The following CEP152 variants were observed in gnomAD, a reference collection of about 807,000 sequenced individuals.
CEP152 encodes centrosomal protein 152.
A neutral mutation model predicts 188.9 loss-of-function variants in CEP152; 132 were observed. The ratio of observed to expected loss-of-function variants is 0.70; its 90% confidence interval spans 0.61 to 0.81. The LOEUF is 0.81. Ranked by LOEUF, CEP152 falls within the 30% of genes least tolerant of loss-of-function variation. The pLI is 0.00. For missense variants in CEP152, 1,914 were observed against 1,969.8 expected (o/e 0.97, Z 0.54); for synonymous variants, 649 against 666.6 (o/e 0.97, Z 0.41).
intron 12 of CEP152, 117 bp from the exon 13 acceptor site, chr15:48,772,808 T>C: frequency 1.2e-6 from 1 of 814,782 alleles, no homozygotes; most frequent in African/African-American, 1.7e-5. Context: ...AATTATATAC[T>C]AGTATTTCAA....
At chr15:48,746,786 A>G (rs1893464221) in intron 22 of CEP152, among the ~76,000 whole-genome samples, 1 of 152,216 alleles carries the variant, frequency 6.6e-6, no homozygotes, top group South Asian at 2.1e-4. Flanking sequence ...AGGATGGTGA[A>G]TGTTATAAAA....
rs778454118 is a variant in CEP152, at chr15:48,752,425, A to G, written c.3390T>C (p.Thr1130=). The change falls in exon 21 of 27, where the codon ACT becomes ACC. Residue 1130 remains threonine (T), a synonymous_variant. Coordinates refer to ENST00000380950, the MANE Select transcript of CEP152 (RefSeq NM_001194998.2). The part of the protein sequence containing the change: ...ELSKDSASQG[T]GQGDPGPAAG... ...CAGCAGGTCCAGGGTCTCCTTGGCC[A>G]GTGCCCTGGCTGGCAGAATCCTTAG... The G allele has an allele frequency of 1.9e-5, 31 of 1,613,822 alleles. No individual in the cohort carries two copies. The highest frequency in any genetic ancestry group is 2.6e-5 in the Non-Finnish European group (31 of 1,180,032).
intron 11 of CEP152, among the ~76,000 whole-genome samples, chr15:48,781,568 T>C (rs776445040): frequency 7.2e-5 from 11 of 152,120 alleles, no homozygotes; most frequent in Non-Finnish European, 1.3e-4. Flanking sequence ...AAAACAAACA[T>C]AAGGATTTCC....
chr15:48,787,519 AT>A lies in CEP152; in HGVS notation c.1173+1281del, dbSNP rs961314747. Among the ~76,000 whole-genome samples, 194 of 152,020 alleles carry A rather than the reference AT, an allele frequency of 1.3e-3. 1 individual carries two copies. The highest frequency in any genetic ancestry group is 4.5e-3 in the African/African-American group (186 of 41,484). ...ATCCTCCACATTGATCAAATTCACA[AT>A]TTTTTTATATAAAATAAATACATAA... On this transcript the variant is annotated intron_variant, in intron 9 of 26. Coordinates refer to ENST00000380950, the MANE Select transcript of CEP152 (RefSeq NM_001194998.2).
chr15:48,752,215 A>G, intron 21 of CEP152, 134 bp downstream of exon 21: 2 of 1,452,408 alleles, frequency 1.4e-6, no homozygotes, highest in East Asian at 2.3e-5. Context: ...AATGAAATCT[A>G]GGAAGAGGGG....
chr15:48,810,802 G>C (rs1270288114), intron 1 of CEP152, 159 bp downstream of exon 1: 3 of 152,346 alleles, frequency 2.0e-5, no homozygotes, highest in Admixed American at 2.0e-4. Context: ...TAAATGACAC[G>C]TTAAGGTAAA....
At chr15:48,787,267 A>G (rs1896722926) in intron 9 of CEP152, among the ~76,000 whole-genome samples, 1 of 143,900 alleles carries the variant, frequency 6.9e-6, no homozygotes, top group African/African-American at 2.6e-5. Flanking sequence ...TCCTGAGCTC[A>G]AGCAATCCTC....
intron 19 of CEP152, among the ~76,000 whole-genome samples, chr15:48,759,837 T>C (rs1457979894): frequency 4.6e-5 from 7 of 152,212 alleles, no homozygotes; most frequent in Admixed American, 4.6e-4. Flanking sequence ...GAAAGGATAC[T>C]GTATAGCTAA....
chr15:48,742,534 C>T (rs766548338), intron 24 of CEP152, among the ~76,000 whole-genome samples: 16 of 152,090 alleles, frequency 1.1e-4, no homozygotes, highest in Non-Finnish European at 2.4e-4. Context: ...GAAAAGGAGG[C>T]AGTATGAGCT....
chr15:48,737,248 C>T (rs1892652305), downstream of CEP152, among the ~76,000 whole-genome samples: 1 of 152,096 alleles, frequency 6.6e-6, no homozygotes, highest in Non-Finnish European at 1.5e-5. Context: ...ACTAGATTAA[C>T]CCCCAAATAC....
chr15:48,745,855 CAT>C (rs1215074525), intron 22 of CEP152, among the ~76,000 whole-genome samples: 2 of 152,124 alleles, frequency 1.3e-5, no homozygotes, highest in South Asian at 2.1e-4. Flanking sequence ...CTTTTCTTCA[CAT>C]GTTAACTTAC....
intron 19 of CEP152, among the ~76,000 whole-genome samples, chr15:48,759,572 A>C (rs1454058444): frequency 6.6e-6 from 1 of 152,210 alleles, no homozygotes; most frequent in East Asian, 1.9e-4. Flanking sequence ...CAGAACATTA[A>C]AAAACATCTA....
At chr15:48,797,916 A>T (rs1897415721) in intron 3 of CEP152, 32 bp downstream of exon 3, 1 of 1,552,756 alleles carries the variant, frequency 6.4e-7, no homozygotes, top group South Asian at 1.1e-5. Flanking sequence ...TAGAATTGCA[A>T]TATACAAGTG....
chr15:48,729,652 T>C (rs1467011194), intron 2 of CEP152: 1 of 152,190 alleles, frequency 6.6e-6, no homozygotes, highest in East Asian at 1.9e-4. Context: ...TCTTAGAAAA[T>C]GTATGCTGAA....
rs12442921 is a variant in CEP152, at chr15:48,760,472, A to C, written c.2563-206T>G. Among the ~76,000 whole-genome samples, 47,735 of 152,046 alleles carry C rather than the reference A, an allele frequency of 0.31. 10,131 individuals carry two copies. The highest frequency in any genetic ancestry group is 0.63 in the East Asian group (3,234 of 5,154). On this transcript the variant is annotated intron_variant, in intron 18 of 26. Transcript: ENST00000380950. ...TTCCCATAGCATCCCATACAAATGC[A>C]ACAGAGGAAGTGGGAATCTGTGAAT...
chr15:48,764,684 T>C (rs1237904291), intron 17 of CEP152, among the ~76,000 whole-genome samples: 1 of 152,216 alleles, frequency 6.6e-6, no homozygotes, highest in Non-Finnish European at 1.5e-5. Flanking sequence ...TTTCTCTCAA[T>C]GAGCCAGGTT....
intron 12 of CEP152, chr15:48,773,612 A>C (rs545758398): frequency 6.6e-6 from 1 of 152,324 alleles, no homozygotes; most frequent in South Asian, 2.1e-4. Flanking sequence ...AACATAGGAA[A>C]TGAATAAGGC....
At chr15:48,782,038 A>C (rs1258079998) in intron 11 of CEP152, 101 bp downstream of exon 11, 2 of 1,083,710 alleles carry the variant, frequency 1.8e-6, no homozygotes, top group Admixed American at 3.8e-5. Context: ...AAGGTGGTCC[A>C]ACCACCTCTA....
At chr15:48,787,168 T>TTGTTTTTG (rs1000169589) in intron 9 of CEP152, among the ~76,000 whole-genome samples, 1 of 139,834 alleles carries the variant, frequency 7.2e-6, no homozygotes, top group Non-Finnish European at 1.6e-5. Flanking sequence ...CCTTCGTTTT[T>TTGTTTTTG]TTTTTTTTTT....
Sources: gnomAD v4.1 joint callset for allele counts (sites outside exome capture counted in the v4.1 genomes callset) on GRCh38, gnomAD v4.1.1 for gene constraint, MANE v1.5 for transcripts, NCBI Gene and HGNC (gene_info 2026-07-23, HGNC 2026-07-21) for gene names.